Variants in CNTNAP2 observed in about 807,000 individuals in gnomAD.
The protein encoded by CNTNAP2 is contactin-associated protein-like 2.
A neutral mutation model predicts 155.2 loss-of-function variants in CNTNAP2; 98 were observed. That is an observed-to-expected ratio of 0.63 (90% CI 0.54 to 0.75). The LOEUF (loss-of-function observed/expected upper bound fraction) is 0.75. CNTNAP2 is among the 30% of genes least tolerant of loss of function. The probability of loss-of-function intolerance (pLI) is 0.00; values close to 1 mark genes in which losing one functional copy is unlikely to be tolerated. For synonymous variants in CNTNAP2, 651 were observed against 631.2 expected (o/e 1.03, Z -0.47); for missense variants, 1,727 against 1,688.1 (o/e 1.02, Z -0.40).
At chr7:147,526,989 C>A (rs1477418455) in intron 11 of CNTNAP2, among the ~76,000 whole-genome samples, 1 of 145,164 alleles carries the variant, frequency 6.9e-6, no homozygotes, top group East Asian at 2.0e-4. Flanking sequence ...CCTTTGATTT[C>A]CATGAATTAT....
chr7:146,211,966 C>G (rs1451569433), intron 1 of CNTNAP2, among the ~76,000 whole-genome samples: 1 of 152,042 alleles, frequency 6.6e-6, no homozygotes, highest in South Asian at 2.1e-4. Context: ...TACAGCTTTT[C>G]TGGTCTGTAG....
chr7:148,054,323 C>T (rs1802967209), intron 15 of CNTNAP2, among the ~76,000 whole-genome samples: 1 of 151,978 alleles, frequency 6.6e-6, no homozygotes, highest in African/African-American at 2.4e-5. Flanking sequence ...CTAGGCAGAG[C>T]TTCCTCGTCT....
intron 21 of CNTNAP2, among the ~76,000 whole-genome samples, chr7:148,273,075 C>T (rs1008341852): frequency 1.3e-5 from 2 of 152,178 alleles, no homozygotes; most frequent in Non-Finnish European, 2.9e-5. Context: ...ACAATTAGAG[C>T]TTTTCAAAAG....
chr7:147,606,361 T>C (rs999054066), intron 12 of CNTNAP2, among the ~76,000 whole-genome samples: 7 of 152,334 alleles, frequency 4.6e-5, no homozygotes, highest in East Asian at 1.9e-4. Context: ...AACGGATTTA[T>C]TTTCTTGAAC....
chr7:146,228,013 C>T (rs1002985076), intron 1 of CNTNAP2, among the ~76,000 whole-genome samples: 5 of 152,130 alleles, frequency 3.3e-5, no homozygotes, highest in Admixed American at 6.5e-5. Flanking sequence ...CTTCCACTTC[C>T]TACAAAGCAT....
chr7:146,398,183 A>AGT (rs1795660452), intron 1 of CNTNAP2, among the ~76,000 whole-genome samples: 1 of 83,680 alleles, frequency 1.2e-5, no homozygotes, highest in Non-Finnish European at 2.2e-5. Flanking sequence ...CCGGCCCCAA[A>AGT]CTTTTTTTTT....
intron 14 of CNTNAP2, among the ~76,000 whole-genome samples, chr7:147,919,505 C>A (rs1800225991): frequency 1.2e-5 from 1 of 81,756 alleles, no homozygotes; most frequent in Admixed American, 1.8e-4. Flanking sequence ...GTCTCCCAGG[C>A]TGGAGTGCAG....
At chr7:147,459,657 C>A (rs1797982808) in intron 10 of CNTNAP2, among the ~76,000 whole-genome samples, 1 of 152,098 alleles carries the variant, frequency 6.6e-6, no homozygotes, top group Non-Finnish European at 1.5e-5. Context: ...GGCCATGAGC[C>A]AAGGAATGCA....
chr7:148,413,401 A>AAAAAATATAT (rs1442990213), intron 23 of CNTNAP2, among the ~76,000 whole-genome samples: 5 of 45,364 alleles, frequency 1.1e-4, no homozygotes, highest in African/African-American at 3.8e-4. Flanking sequence ...TCAAAAAAAA[A>AAAAAATATAT]ATATATATAT....
At chr7:147,024,171 C>CA (rs1798860995) in intron 3 of CNTNAP2, among the ~76,000 whole-genome samples, 1 of 152,122 alleles carries the variant, frequency 6.6e-6, no homozygotes, top group Admixed American at 6.5e-5. Flanking sequence ...GGACTAAATT[C>CA]AAAAATGACA....
intron 1 of CNTNAP2, among the ~76,000 whole-genome samples, chr7:146,516,073 A>G (rs1161071660): frequency 3.3e-5 from 5 of 152,044 alleles, no homozygotes; most frequent in African/African-American, 1.2e-4. Flanking sequence ...TGATCTATAC[A>G]TGACAACTCT....
At chr7:147,973,989 G>A (rs560138943) in intron 14 of CNTNAP2, among the ~76,000 whole-genome samples, 42 of 151,816 alleles carry the variant, frequency 2.8e-4, no homozygotes, top group South Asian at 1.9e-3. Context: ...TTCATAAAAC[G>A]TGGCTTATAA....
intron 15 of CNTNAP2, among the ~76,000 whole-genome samples, chr7:148,031,462 C>T (rs1354588258): frequency 2.0e-5 from 3 of 152,100 alleles, no homozygotes; most frequent in Non-Finnish European, 4.4e-5. Context: ...GTGGGAAGTC[C>T]GCTGGTCATT....
At chr7:147,167,641 G>A in intron 8 of CNTNAP2, 1 of 520,428 alleles carries the variant, frequency 1.9e-6, no homozygotes, top group Non-Finnish European at 3.3e-6. Context: ...TGTGATATCA[G>A]CGGAGCAGGG....
rs778170312 is a variant in CNTNAP2 at position 147,121,126 on chromosome 7, C to T, written c.902C>T (p.Thr301Ile). Residue 301 changes from threonine (T) to isoleucine (I), a missense_variant, in exon 6 of 24, where the codon ACC becomes ATC. Transcript: ENST00000361727. ...TLDRSMQHFR[T>I]NGEFDYLDLD... Reference sequence around the variant, plus strand: ...GACAGGAGCATGCAGCACTTCCGTACCAATGGAGAGTTTGACTACCTGGAC... The same window carrying T: ...GACAGGAGCATGCAGCACTTCCGTATCAATGGAGAGTTTGACTACCTGGAC... 6.2e-7 allele frequency: 1 copy of T among 1,614,104 alleles called. No individual in the cohort carries two copies. Among genetic ancestry groups the T allele is most frequent in the African/African-American group, 1.3e-5 (1 of 75,036 alleles).
intron 2 of CNTNAP2, 78 bp downstream of exon 2, chr7:146,774,459 A>T: frequency 1.0e-6 from 1 of 980,100 alleles, no homozygotes. Context: ...ATATATATAT[A>T]ATCACACAAC....
intron 1 of CNTNAP2, among the ~76,000 whole-genome samples, chr7:146,377,699 A>G (rs1364406749): frequency 6.6e-6 from 1 of 152,210 alleles, no homozygotes; most frequent in Non-Finnish European, 1.5e-5. Context: ...TGCTCAAATT[A>G]AAAGCCTGGA....
chr7:148,204,882 T>A (rs1795423567), intron 18 of CNTNAP2, among the ~76,000 whole-genome samples: 1 of 152,228 alleles, frequency 6.6e-6, no homozygotes, highest in African/African-American at 2.4e-5. Flanking sequence ...ACTACTCCTG[T>A]AAGCCTCAGT....
At chr7:147,000,558 A>G (rs1246972895) in intron 3 of CNTNAP2, among the ~76,000 whole-genome samples, 1 of 152,096 alleles carries the variant, frequency 6.6e-6, no homozygotes, top group Non-Finnish European at 1.5e-5. Flanking sequence ...TCCAGAGGTT[A>G]AGAGTGGGCC....
Sources: allele counts gnomAD v4.1 joint callset (sites outside exome capture counted in the v4.1 genomes callset), GRCh38; gene constraint gnomAD v4.1.1; transcripts MANE v1.5; gene names NCBI Gene and HGNC (gene_info 2026-07-23, HGNC 2026-07-21).